CDH4: variants seen among roughly 807,000 people sequenced by gnomAD.
The protein encoded by CDH4 is cadherin-4.
In CDH4, 33 loss-of-function variants were observed where a neutral mutation model predicts 86.0. The ratio of observed to expected loss-of-function variants is 0.38; its 90% CI spans 0.29 to 0.51. CDH4 has a LOEUF of 0.51. Ranked by LOEUF, CDH4 falls within the 20% of genes least tolerant of loss-of-function variation. The pLI is 0.86. For synonymous variants in CDH4, 555 were observed against 549.4 expected (o/e 1.01, Z -0.14); for missense variants, 1,114 against 1,307.4 (o/e 0.85, Z 2.28).
At chr20:61,477,170 T>C (rs1428949993) in intron 2 of CDH4, among the ~76,000 whole-genome samples, 1 of 152,158 alleles carries the variant, frequency 6.6e-6, no homozygotes, top group Non-Finnish European at 1.5e-5. Context: ...AGCGGAATCC[T>C]GTGGGCAGGG....
chr20:61,907,745 C>A (rs952391009), intron 8 of CDH4, among the ~76,000 whole-genome samples: 1 of 152,220 alleles, frequency 6.6e-6, no homozygotes, highest in Admixed American at 6.5e-5. Flanking sequence ...CGGGCTCTGG[C>A]CACCTGGCTC....
chr20:61,528,880 G>T (rs554170188), intron 2 of CDH4, among the ~76,000 whole-genome samples: 1 of 149,384 alleles, frequency 6.7e-6, no homozygotes, highest in Admixed American at 6.7e-5. Flanking sequence ...CCAGTGCACC[G>T]CCCTTGTCCC....
At chr20:61,400,982 T>C (rs2085046392) in intron 2 of CDH4, among the ~76,000 whole-genome samples, 1 of 152,238 alleles carries the variant, frequency 6.6e-6, no homozygotes, top group African/African-American at 2.4e-5. Context: ...GTCGCCAGCA[T>C]GCAGATGCAA....
intron 4 of CDH4, among the ~76,000 whole-genome samples, chr20:61,839,172 C>G (rs866592933): frequency 6.6e-6 from 1 of 152,202 alleles, no homozygotes; most frequent in Non-Finnish European, 1.5e-5. Context: ...TTTAAAGTGT[C>G]TTTAAAATGC....
intron 2 of CDH4, among the ~76,000 whole-genome samples, chr20:61,575,476 A>C (rs2086376060): frequency 2.0e-5 from 3 of 152,246 alleles, no homozygotes; most frequent in African/African-American, 7.2e-5. Flanking sequence ...AGAAAGACAC[A>C]GACCTGTACT....
At chr20:61,904,346 G>A (rs992338121) in intron 8 of CDH4, among the ~76,000 whole-genome samples, 2 of 152,170 alleles carry the variant, frequency 1.3e-5, no homozygotes, top group African/African-American at 2.4e-5. Context: ...CTGGGAACTG[G>A]TGGGATGTGG....
At chr20:61,296,733 C>T (rs1407948714) in intron 2 of CDH4, among the ~76,000 whole-genome samples, 1 of 152,100 alleles carries the variant, frequency 6.6e-6, no homozygotes, top group Non-Finnish European at 1.5e-5. Context: ...CAGACCCAGG[C>T]GTCTGGGGTG....
chr20:61,661,656 CGTGTTTGTCACCTTTGCCTTT>C (rs1568740736), intron 2 of CDH4, among the ~76,000 whole-genome samples: 1 of 152,076 alleles, frequency 6.6e-6, no homozygotes, highest in Non-Finnish European at 1.5e-5. Context: ...ATGGATCCTT[CGTGTTTGTCACCTTTGCCTTT>C]GTGTTTGTCA....
rs200836787 is a variant in CDH4, at chr20:61,785,959, C to G, written c.576+12777C>G. 2.0e-5 allele frequency among the ~76,000 whole-genome samples: 3 copies of G among 152,162 alleles called. No homozygotes were observed. In the East Asian group the frequency reaches 5.8e-4, roughly 29 times the overall value. ...AAAGTCTCTGGGAAGAAACCAGTGG[C>G]CGGAGGTATCCCAGGAGCCAGCTTG... On this transcript the variant is annotated intron_variant, in intron 4 of 15. Coordinates refer to ENST00000614565, the MANE Select transcript of CDH4 (RefSeq NM_001794.5).
intron 7 of CDH4, among the ~76,000 whole-genome samples, chr20:61,875,098 C>T (rs1275465857): frequency 6.6e-6 from 1 of 152,176 alleles, no homozygotes; most frequent in Non-Finnish European, 1.5e-5. Flanking sequence ...GTCCTCCTTC[C>T]AGGTTTGGGG....
chr20:61,352,042 A>G (rs761991028), intron 2 of CDH4, among the ~76,000 whole-genome samples: 41 of 152,162 alleles, frequency 2.7e-4, no homozygotes, highest in Non-Finnish European at 5.4e-4. Flanking sequence ...TAAGTGTGCA[A>G]TTAGATTATT....
chr20:61,664,063 G>A (rs529599811), intron 2 of CDH4, among the ~76,000 whole-genome samples: 33 of 152,248 alleles, frequency 2.2e-4, no homozygotes, highest in South Asian at 6.2e-4. Flanking sequence ...GGGGCTGACC[G>A]GGCCTCAGTC....
At chr20:61,746,676 C>T (rs1319697401) in intron 3 of CDH4, among the ~76,000 whole-genome samples, 1 of 152,254 alleles carries the variant, frequency 6.6e-6, no homozygotes, top group African/African-American at 2.4e-5. Flanking sequence ...AGGTGAACTG[C>T]TCTGGAGAAT....
chr20:61,612,383 T>C (rs2086691952), intron 2 of CDH4, among the ~76,000 whole-genome samples: 1 of 152,152 alleles, frequency 6.6e-6, no homozygotes, highest in Non-Finnish European at 1.5e-5. Flanking sequence ...GGTACTTTTG[T>C]CTATTTTTGA....
intron 2 of CDH4, among the ~76,000 whole-genome samples, chr20:61,390,265 A>G (rs112516446): frequency 1.3e-4 from 18 of 141,800 alleles, no homozygotes; most frequent in Non-Finnish European, 2.1e-4. Context: ...TCGTGCGGTC[A>G]TAGGGTGCCC....
chr20:61,502,497 T>C (rs1254129884), intron 2 of CDH4, among the ~76,000 whole-genome samples: 2 of 152,234 alleles, frequency 1.3e-5, no homozygotes, highest in Non-Finnish European at 2.9e-5. Flanking sequence ...AGCTAGAGAT[T>C]ATTTTTCCAG....
At position 61,902,990 on chromosome 20, in the gene CDH4, G is replaced by A. The variant is rs2054744177; in HGVS notation, c.1189-7432G>A. 8.5e-6 allele frequency among the ~76,000 whole-genome samples: 1 copy of A among 117,886 alleles called. No individual in the cohort carries two copies. The highest frequency in any genetic ancestry group is 3.4e-5 in the African/African-American group (1 of 29,212). The allele number at this position is 117,886 out of a possible 152,430, so 77.3% of individuals were successfully genotyped here. On this transcript the variant is annotated intron_variant, in intron 8 of 15. Coordinates refer to ENST00000614565, the MANE Select transcript of CDH4 (RefSeq NM_001794.5). This position sits in a 1 kb window ranked among gnomAD's most constrained non-coding sequence, Gnocchi z 4.6. Reference sequence around the variant, plus strand: ...GGTGTGATCATGCCACTAAACTCCAGCCTGGGCAACAGAGCAAGACTGTCT... The same window carrying A: ...GGTGTGATCATGCCACTAAACTCCAACCTGGGCAACAGAGCAAGACTGTCT...
chr20:61,822,196 G>T (rs1315027148), intron 4 of CDH4, among the ~76,000 whole-genome samples: 1 of 152,188 alleles, frequency 6.6e-6, no homozygotes, highest in Non-Finnish European at 1.5e-5. Context: ...TGTTCATTAC[G>T]TGAGTCCTGC....
intron 2 of CDH4, among the ~76,000 whole-genome samples, chr20:61,338,174 G>A (rs930806812): frequency 1.3e-5 from 2 of 152,120 alleles, no homozygotes; most frequent in African/African-American, 4.8e-5. Context: ...AGAAATATTA[G>A]ACAATGCATA....
Sources: gnomAD v4.1 joint callset for allele counts (sites outside exome capture counted in the v4.1 genomes callset) on GRCh38, gnomAD v4.1.1 for gene constraint, Gnocchi (gnomAD v3.1) non-coding constraint, MANE v1.5 for transcripts, NCBI Gene and HGNC (gene_info 2026-07-23, HGNC 2026-07-21) for gene names.